DST: variants seen among roughly 807,000 people sequenced by gnomAD.
DST encodes dystonin.
Under a neutral mutation model 875.2 loss-of-function variants are expected in DST, and 253 were observed. That is an observed-to-expected ratio of 0.29 (90% CI 0.26 to 0.32). The LOEUF (loss-of-function observed/expected upper bound fraction) is 0.32, where lower values mean the gene tolerates loss of function less well. DST is among the 10% of genes least tolerant of loss of function. DST has a pLI of 1.00. For missense variants in DST, 8,287 were observed against 9,111.6 expected, an observed-to-expected ratio of 0.91 and a Z score of 3.68; for synonymous variants, 3,124 against 3,197.1, an observed-to-expected ratio of 0.98 and a Z score of 0.77.
rs58251502 is a variant in DST at position 56,593,516 on chromosome 6, C to CAAAAAA, written c.12726+141_12726+146dup. 2.3e-3 allele frequency: 730 copies of CAAAAAA among 318,634 alleles called. 2 individuals are homozygous for CAAAAAA. The highest frequency in any genetic ancestry group is 4.8e-3 in the Middle Eastern group (6 of 1,256). The allele number at this position is 318,634 out of a possible 1,614,324, so 19.7% of individuals were successfully genotyped here. A position where few individuals can be genotyped will look rare whatever the true frequency, so the allele number is the denominator to read the frequency against. ...TGGGCGACAGAGTGAGACTCCTTCT[C>CAAAAAA]AAAAAAAAAAAAAAAAATAGAAGTA... On this transcript the variant is annotated intron_variant, in intron 48 of 103. Coordinates refer to ENST00000680361, the MANE Select transcript of DST (RefSeq NM_001374736.1).
At chr6:56,856,566 T>C (rs1167005014) in intron 3 of DST, among the ~76,000 whole-genome samples, 1 of 152,164 alleles carries the variant, frequency 6.6e-6, no homozygotes, top group African/African-American at 2.4e-5. Context: ...TCCTAGATCC[T>C]TCAAAAAGGT....
intron 3 of DST, chr6:56,871,231 C>A: frequency 1.3e-6 from 1 of 769,878 alleles, no homozygotes; most frequent in South Asian, 1.3e-5. Context: ...CACACAAAGT[C>A]ATGCAAATCA....
Position 56,639,715 on chromosome 6 carries a change from C to A in DST, c.2678G>T (p.Ser893Ile). The change falls in exon 20 of 104, where the codon AGT becomes ATT. Residue 893 changes from serine to isoleucine, a missense_variant. Coordinates refer to ENST00000680361, the MANE Select transcript of DST (RefSeq NM_001374736.1). ...TYAEKLHRLE[S>I]QYAKLLNTSR... Reference sequence around the variant, plus strand: ...ACTTACCAAGAGTTTTGCATACTGACTCTCTAATCTGTGCAACTTTTCTGC... The same window carrying A: ...ACTTACCAAGAGTTTTGCATACTGAATCTCTAATCTGTGCAACTTTTCTGC... 3.7e-6 allele frequency: 6 copies of A among 1,613,422 alleles called. No homozygotes were observed. Among genetic ancestry groups the A allele is most frequent in the Non-Finnish European group, 5.1e-6 (6 of 1,179,754 alleles).
At chr6:56,797,101 C>G (rs549750628) in intron 4 of DST, among the ~76,000 whole-genome samples, 1 of 152,170 alleles carries the variant, frequency 6.6e-6, no homozygotes, top group Non-Finnish European at 1.5e-5. Context: ...GTAATTCTCA[C>G]AATATTCAAA....
chr6:56,497,177 A>T (rs999399455), intron 82 of DST, among the ~76,000 whole-genome samples: 10 of 152,108 alleles, frequency 6.6e-5, no homozygotes, highest in African/African-American at 2.2e-4. Context: ...TAATAAAATT[A>T]AAAAAAGAAA....
chr6:56,610,842 G>C (rs564245338), intron 38 of DST, among the ~76,000 whole-genome samples: 1 of 152,256 alleles, frequency 6.6e-6, no homozygotes, highest in African/African-American at 2.4e-5. Flanking sequence ...GCTGCTATCT[G>C]ACAGAGGGTA....
intron 63 of DST, 134 bp from the exon 64 acceptor site, chr6:56,532,644 G>T: frequency 3.6e-6 from 3 of 842,568 alleles, no homozygotes; most frequent in Non-Finnish European, 3.5e-6. Context: ...GATCTGAAAA[G>T]CGAGATTTTA....
rs778236297 is a variant in DST, at chr6:56,624,638, A to C, written c.4831-10T>G. On this transcript the variant is annotated splice_polypyrimidine_tract_variant and intron_variant, in intron 35 of 103. Coordinates refer to ENST00000680361, the MANE Select transcript of DST (RefSeq NM_001374736.1). ...TCCTTAGGTCCATGAACTGCAAGTAAGGAAAAAAATAATAAAAGCATTACC... is the reference window on the plus strand; with the variant it reads ...TCCTTAGGTCCATGAACTGCAAGTACGGAAAAAAATAATAAAAGCATTACC... 1 of 1,567,610 alleles carries C rather than the reference A, an allele frequency of 6.4e-7. No individual in the cohort carries two copies. Among genetic ancestry groups the C allele is most frequent in the South Asian group, 1.1e-5 (1 of 90,160 alleles).
Position 56,608,150 on chromosome 6 carries a change from T to C in DST, c.6478A>G (p.Arg2160Gly), listed in dbSNP as rs375271476. The C allele has an allele frequency of 2.1e-4, 337 of 1,613,794 alleles. 2 individuals carry two copies. The Middle Eastern group carries it at 5.8e-3, about 28-fold the overall frequency. Residue 2160 changes from arginine to glycine, a missense_variant, in exon 40 of 104, where the codon AGA becomes GGA. This residue lies in a region of DST where 3,138 missense variants were observed against 3,116.6 expected (regional missense o/e 1.01). Transcript: ENST00000680361. ...LGDLEACKNA[R>G]RWLSFCKFQP... is the part of the protein sequence containing the mutation. Reference sequence around the variant, plus strand: ...AATTTACAAAAAGAGAGCCATCTTCTGGCATTTTTACAAGCTTCTAAATCT... The same window carrying C: ...AATTTACAAAAAGAGAGCCATCTTCCGGCATTTTTACAAGCTTCTAAATCT...
chr6:56,919,531 T>C (rs575500294), intron 2 of DST, among the ~76,000 whole-genome samples: 4 of 152,318 alleles, frequency 2.6e-5, no homozygotes, highest in African/African-American at 9.6e-5. Context: ...AATTCCAAAA[T>C]ATAAAAAGAT....
chr6:56,581,991 AC>A (rs2152650062), intron 49 of DST, among the ~76,000 whole-genome samples: 1 of 151,928 alleles, frequency 6.6e-6, no homozygotes, highest in African/African-American at 2.4e-5. Context: ...TTTTTTTTCC[AC>A]ACGTGCAAAT....
chr6:56,671,175 T>C (rs1252027781), intron 9 of DST, among the ~76,000 whole-genome samples: 8 of 152,250 alleles, frequency 5.3e-5, no homozygotes, highest in Admixed American at 3.9e-4. Flanking sequence ...TTTAACTCAT[T>C]TGTGTCCAAT....
intron 81 of DST, 83 bp downstream of exon 81, chr6:56,497,773 G>C (rs1562374701): frequency 8.0e-7 from 1 of 1,244,748 alleles, no homozygotes; most frequent in Non-Finnish European, 1.1e-6. Flanking sequence ...AATTAAACAG[G>C]AGTCTGTGAA....
Position 56,722,368 on chromosome 6 carries a change from G to GTTATTTATTTATTTATTTA in DST, c.687+12859_687+12860insTAAATAAATAAATAAATAA, listed in dbSNP as rs1554672068. On this transcript the variant is annotated intron_variant, in intron 5 of 103. Coordinates refer to ENST00000680361, the MANE Select transcript of DST (RefSeq NM_001374736.1). ...TTGACAATAAAAGTAGTACATGTTT[G>GTTATTTATTTATTTATTTA]TTTATTTATTTATTTATTTATTTAT... Among the ~76,000 whole-genome samples the GTTATTTATTTATTTATTTA allele has an allele frequency of 3.2e-3, 476 of 150,704 alleles. 3 individuals carry two copies. Among genetic ancestry groups the GTTATTTATTTATTTATTTA allele is most frequent in the African/African-American group, 0.011 (434 of 41,040 alleles).
chr6:56,780,126 T>A (rs2099689738), intron 4 of DST, among the ~76,000 whole-genome samples: 1 of 151,956 alleles, frequency 6.6e-6, no homozygotes, highest in Non-Finnish European at 1.5e-5. Flanking sequence ...AGTCTATCAT[T>A]GTTGGACATT....
chr6:56,462,404 T>C (rs2094378905), intron 102 of DST, among the ~76,000 whole-genome samples: 1 of 152,138 alleles, frequency 6.6e-6, no homozygotes, highest in Admixed American at 6.5e-5. Context: ...AAATTAGTTA[T>C]TAAAATCTTT....
chr6:56,572,144 A>C lies in DST; in HGVS notation c.13677T>G (p.Asn4559Lys). The C allele has an allele frequency of 6.6e-7, 1 of 1,523,388 alleles. No homozygotes were observed. The allele number at this position is 1,523,388 out of a possible 1,614,324, so 94.4% of individuals were successfully genotyped here. A position where few individuals can be genotyped will look rare whatever the true frequency, so the allele number is the denominator to read the frequency against. Residue 4559 changes from asparagine to lysine, a missense_variant, in exon 53 of 104, where the codon AAT (asparagine) becomes AAG (lysine). Physicochemically the swap from Asn to Lys is moderately conservative, Grantham distance 94. Transcript: ENST00000680361. The stretch of plus-strand genomic sequence containing the variant: ...CCATTTCCTTGAATTTCTTTGACAA[A>C]TTATTTGTTTTTTCAAGGACCAAAG... ...DKALVLEKTN[N>K]LSKKFKEMED...
chr6:56,784,939 C>G (rs1236993163), intron 4 of DST, among the ~76,000 whole-genome samples: 1 of 152,172 alleles, frequency 6.6e-6, no homozygotes, highest in Non-Finnish European at 1.5e-5. Flanking sequence ...AGTTTTCCTT[C>G]TAACAGACAG....
chr6:56,770,632 AG>A (rs1164966313), intron 4 of DST, among the ~76,000 whole-genome samples: 1 of 152,202 alleles, frequency 6.6e-6, no homozygotes, highest in East Asian at 1.9e-4. Flanking sequence ...ATGATGAACC[AG>A]GATTTTTCCC....
Sources: allele counts gnomAD v4.1 joint callset (sites outside exome capture counted in the v4.1 genomes callset), GRCh38; gene constraint gnomAD v4.1.1; regional missense constraint gnomAD v4.1.1; transcripts MANE v1.5; gene names NCBI Gene and HGNC (gene_info 2026-07-23, HGNC 2026-07-21).